The following CAMK1G variants were observed in gnomAD, a reference collection of about 807,000 sequenced individuals.
CAMK1G encodes the protein calcium/calmodulin dependent protein kinase IG, also known as calcium/calmodulin-dependent protein kinase type 1G.
In CAMK1G, 27 loss-of-function variants were observed where a neutral mutation model predicts 54.8. The observed-to-expected ratio is 0.49, with a 90% CI of 0.36 to 0.68. CAMK1G has a LOEUF of 0.68. Ranked by LOEUF, CAMK1G falls within the 30% of genes least tolerant of loss-of-function variation. The pLI, the probability that CAMK1G is intolerant of heterozygous loss-of-function variation, is 0.00. For synonymous variants in CAMK1G, 238 were observed against 224.9 expected (o/e 1.06, Z -0.52); for missense variants, 512 against 591.0 (o/e 0.87, Z 1.39).
intron 5 of CAMK1G, among the ~76,000 whole-genome samples, chr1:209,606,095 A>T (rs963251078): frequency 3.3e-5 from 5 of 152,164 alleles, no homozygotes; most frequent in African/African-American, 1.2e-4. Flanking sequence ...GAGTATATTA[A>T]TGTTTACAAG....
At chr1:209,600,155 C>A in intron 3 of CAMK1G, 44 bp downstream of exon 3, 1 of 1,592,618 alleles carries the variant, frequency 6.3e-7, no homozygotes, top group Non-Finnish European at 8.5e-7. Flanking sequence ...GGGATCACAA[C>A]ATTTTCTTCA....
chr1:209,598,638 A>G (rs1665446650), intron 2 of CAMK1G, among the ~76,000 whole-genome samples: 1 of 152,202 alleles, frequency 6.6e-6, no homozygotes, highest in African/African-American at 2.4e-5. Flanking sequence ...TTCAAATTAG[A>G]AAGCACATTA....
At chr1:209,605,800 C>A (rs1558140161) in intron 5 of CAMK1G, 126 bp downstream of exon 5, 1 of 854,346 alleles carries the variant, frequency 1.2e-6, no homozygotes, top group Non-Finnish European at 1.7e-6. Flanking sequence ...CCCCTTCTGC[C>A]CTTAGATTCC....
chr1:209,605,035 A>G (rs1340412976), intron 4 of CAMK1G, among the ~76,000 whole-genome samples: 4 of 152,114 alleles, frequency 2.6e-5, no homozygotes, highest in Non-Finnish European at 5.9e-5. Context: ...GTCTCAAAGC[A>G]CCCCTAAAGC....
In CAMK1G at chr1:209,599,866, T is replaced by C. The variant is rs550708590; in HGVS notation, c.93-117T>C. 5 of 1,216,868 alleles carry C rather than the reference T, an allele frequency of 4.1e-6. No homozygotes were observed. In the Admixed American group the frequency reaches 1.4e-4, roughly 33 times the overall value. The allele number at this position is 1,216,868 out of a possible 1,614,324, so 75.4% of individuals were successfully genotyped here. On this transcript the variant is annotated intron_variant, in intron 2 of 12. Coordinates refer to ENST00000361322, the MANE Select transcript of CAMK1G (RefSeq NM_020439.3). The stretch of plus-strand genomic sequence containing the variant: ...TTCTTCCAGATTTAAATTCAGTATA[T>C]GCCTTTGTGGTCAGAGGACTATATA...
intron 4 of CAMK1G, among the ~76,000 whole-genome samples, 175 bp downstream of exon 4, chr1:209,603,463 G>T (rs1665575995): frequency 6.6e-6 from 1 of 152,142 alleles, no homozygotes; most frequent in Non-Finnish European, 1.5e-5. Context: ...TCTGGTCATG[G>T]GCAGGTTCTA....
At chr1:209,605,704 C>A (rs760603114) in intron 5 of CAMK1G, 30 bp downstream of exon 5, 1 of 1,604,176 alleles carries the variant, frequency 6.2e-7, no homozygotes, top group South Asian at 1.1e-5. Flanking sequence ...GGGTGGGAAA[C>A]AGATAATGAC....
At position 209,600,082 on chromosome 1, in the gene CAMK1G, C is replaced by G; in HGVS notation, c.192C>G (p.Ser64Arg). 6.2e-7 allele frequency: 1 copy of G among 1,613,868 alleles called. No homozygotes were observed. The highest frequency in any genetic ancestry group is 1.3e-5 in the African/African-American group (1 of 75,024). The change falls in exon 3 of 13, where the codon AGC becomes AGG. Residue 64 changes from serine (S) to arginine (R), a missense_variant. Ser to Arg is a moderately radical substitution (Grantham distance 110). Around this residue, in one of 3 missense-constraint regions of CAMK1G, gnomAD observed 186 missense variants for 231.5 expected, o/e 0.80. Coordinates refer to ENST00000361322, the MANE Select transcript of CAMK1G (RefSeq NM_020439.3). ...IKKSPAFRDS[S>R]LENEIAVLKK... ...AGTCACCTGCCTTCCGGGACAGCAGCCTGGAGAATGAGATTGCTGTGTTGA... is the reference window on the plus strand; with the variant it reads ...AGTCACCTGCCTTCCGGGACAGCAGGCTGGAGAATGAGATTGCTGTGTTGA...
intron 1 of CAMK1G, among the ~76,000 whole-genome samples, chr1:209,591,689 T>C (rs1665254606): frequency 6.6e-6 from 1 of 152,196 alleles, no homozygotes; most frequent in Non-Finnish European, 1.5e-5. Flanking sequence ...TGTTGTCATA[T>C]GGGAGAAGGG....
chr1:209,595,091 G>C lies in CAMK1G; in HGVS notation c.92+16G>C. 5 of 1,596,866 alleles carry C rather than the reference G, an allele frequency of 3.1e-6. No homozygotes were observed. Among genetic ancestry groups the C allele is most frequent in the Non-Finnish European group, 4.3e-6 (5 of 1,164,688 alleles). ...TGCTGGGATCGTAAGTCCTGGGGCT[G>C]TGAGGTCGGGTGGGCTGGGCTGCCT... On this transcript the variant is annotated intron_variant, in intron 2 of 12. Coordinates refer to ENST00000361322, the MANE Select transcript of CAMK1G (RefSeq NM_020439.3).
Position 209,607,112 on chromosome 1 carries a change from C to T in CAMK1G, c.559+669C>T, listed in dbSNP as rs117119947. On this transcript the variant is annotated intron_variant, in intron 6 of 12. Transcript: ENST00000361322. Reference sequence around the variant, plus strand: ...CACTTCACCAGTCGTCACCTGTTTGCAGTTGGGTAATGGGAAGCAGAGCTC... The same window carrying T: ...CACTTCACCAGTCGTCACCTGTTTGTAGTTGGGTAATGGGAAGCAGAGCTC... Among the ~76,000 whole-genome samples, 7 of 152,286 alleles carry T rather than the reference C, an allele frequency of 4.6e-5. No individual in the cohort carries two copies. The East Asian group carries it at 1.4e-3, about 29-fold the overall frequency.
intron 9 of CAMK1G, among the ~76,000 whole-genome samples, chr1:209,610,441 T>C (rs1268139103): frequency 3.9e-5 from 6 of 152,216 alleles, no homozygotes; most frequent in Admixed American, 2.6e-4. Flanking sequence ...TGGATTCCTT[T>C]GTCTTTCCAG....
At chr1:209,612,280 T>C (rs1162017895) in intron 11 of CAMK1G, 64 bp downstream of exon 11, 4 of 1,549,928 alleles carry the variant, frequency 2.6e-6, no homozygotes, top group Admixed American at 1.8e-5. Flanking sequence ...TCAACAGGAC[T>C]GAAAGAAATG....
rs909615351 is a variant in CAMK1G at position 209,613,726 on chromosome 1, C to T, written c.*724C>T. On this transcript the variant is annotated 3_prime_UTR_variant, in exon 13 of 13. Coordinates refer to ENST00000361322, the MANE Select transcript of CAMK1G (RefSeq NM_020439.3). ...GTAAGGGCTGCAAGGAATTCTTATC[C>T]TGGCCACATGTCCTCCGTGCACACA... is the stretch of plus-strand genomic sequence containing the variant. 5.9e-5 allele frequency: 9 copies of T among 152,270 alleles called. No homozygotes were observed. Among genetic ancestry groups the T allele is most frequent in the Admixed American group, 5.9e-4 (9 of 15,282 alleles). 9.4% of individuals were successfully genotyped at this position (152,270 alleles called of 1,614,324 possible).
At chr1:209,607,003 G>C (rs1183097815) in intron 6 of CAMK1G, among the ~76,000 whole-genome samples, 1 of 152,184 alleles carries the variant, frequency 6.6e-6, no homozygotes, top group East Asian at 1.9e-4. Context: ...AAAAGAGTGA[G>C]AGCAGGCAGG....
At chr1:209,607,702 G>A in intron 6 of CAMK1G, 156 bp from the exon 7 acceptor site, 1 of 619,794 alleles carries the variant, frequency 1.6e-6, no homozygotes, top group Non-Finnish European at 2.9e-6. Flanking sequence ...TCCCAGAAGA[G>A]ACACAGCCCC....
In CAMK1G at chr1:209,597,149, G is replaced by A. The variant is rs1377384852; in HGVS notation, c.92+2074G>A. Among the ~76,000 whole-genome samples, 6 of 152,164 alleles carry A rather than the reference G, an allele frequency of 3.9e-5. No homozygotes were observed. The East Asian group carries it at 1.2e-3, about 29-fold the overall frequency. On this transcript the variant is annotated intron_variant, in intron 2 of 12. Transcript: ENST00000361322. Reference sequence around the variant, plus strand: ...ACCACAGTGGGGCATGGTGGAGAGTGGACAAGTGTACAAATTATGAAAAAG... The same window carrying A: ...ACCACAGTGGGGCATGGTGGAGAGTAGACAAGTGTACAAATTATGAAAAAG...
chr1:209,587,958 G>A (rs1351416782), intron 1 of CAMK1G, among the ~76,000 whole-genome samples: 2 of 152,182 alleles, frequency 1.3e-5, no homozygotes, highest in South Asian at 2.1e-4. Context: ...AGGCCCATAG[G>A]CTTTTCTGAG....
At chr1:209,587,468 G>A (rs1665132724) in intron 1 of CAMK1G, among the ~76,000 whole-genome samples, 1 of 152,112 alleles carries the variant, frequency 6.6e-6, no homozygotes, top group African/African-American at 2.4e-5. Flanking sequence ...TAAACAGCAT[G>A]TGTCTTTAAT....
Sources: allele counts gnomAD v4.1 joint callset (sites outside exome capture counted in the v4.1 genomes callset), GRCh38; gene constraint gnomAD v4.1.1; regional missense constraint gnomAD v4.1.1; transcripts MANE v1.5; gene names NCBI Gene and HGNC (gene_info 2026-07-23, HGNC 2026-07-21).